DPYD: variants seen among roughly 807,000 people sequenced by gnomAD.
DPYD encodes dihydropyrimidine dehydrogenase.
A neutral mutation model predicts 116.2 loss-of-function variants in DPYD; 109 were observed. The observed-to-expected ratio is 0.94, with a 90% CI of 0.80 to 1.10. The LOEUF (loss-of-function observed/expected upper bound fraction) is 1.10, where lower values mean the gene tolerates loss of function less well. Among genes scored for constraint, DPYD ranks in the 50% least tolerant of loss-of-function variants. The probability of loss-of-function intolerance (pLI) is 0.00; values close to 1 mark genes in which losing one functional copy is unlikely to be tolerated. For synonymous variants in DPYD, 440 were observed against 432.0 expected, an observed-to-expected ratio of 1.02 and a Z score of -0.23; for missense variants, 1,302 against 1,254.5, an observed-to-expected ratio of 1.04 and a Z score of -0.57.
chr1:97,831,416 C>A (rs909733331), intron 2 of DPYD, among the ~76,000 whole-genome samples: 25 of 152,204 alleles, frequency 1.6e-4, no homozygotes, highest in African/African-American at 6.0e-4. Flanking sequence ...CAATCAAAAT[C>A]TGTTCTCAGC....
rs139447983 is a variant in DPYD, at chr1:97,160,626, T to C, written c.2622+32443A>G. On this transcript the variant is annotated intron_variant, in intron 20 of 22. Transcript: ENST00000370192. ...GGGTTTAAAATCAATTACAATTTCA[T>C]TGGTACTTAAAATTTCTCTTATTGT... Among the ~76,000 whole-genome samples the C allele has an allele frequency of 8.9e-3, 1,358 of 152,226 alleles. 18 individuals carry two copies. Among genetic ancestry groups the C allele is most frequent in the African/African-American group, 0.03 (1,258 of 41,550 alleles).
At chr1:97,272,258 T>C (rs1426622540) in intron 18 of DPYD, among the ~76,000 whole-genome samples, 1 of 152,194 alleles carries the variant, frequency 6.6e-6, no homozygotes, top group African/African-American at 2.4e-5. Context: ...GAAAGTTAAA[T>C]TTCAGAATGG....
intron 3 of DPYD, among the ~76,000 whole-genome samples, chr1:97,765,479 CAG>C (rs1316928814): frequency 6.6e-6 from 1 of 152,180 alleles, no homozygotes; most frequent in Non-Finnish European, 1.5e-5. Flanking sequence ...ACAGTCAACA[CAG>C]AGAATCTACC....
intron 13 of DPYD, among the ~76,000 whole-genome samples, chr1:97,488,682 A>C (rs1678792738): frequency 6.6e-6 from 1 of 152,170 alleles, no homozygotes; most frequent in Non-Finnish European, 1.5e-5. Context: ...CCAGGGCAGA[A>C]GCAGCTTTCC....
intron 19 of DPYD, among the ~76,000 whole-genome samples, chr1:97,229,394 C>T (rs987859376): frequency 1.3e-4 from 20 of 149,534 alleles, no homozygotes; most frequent in Non-Finnish European, 2.2e-4. Flanking sequence ...CTATACTGAA[C>T]GAAAGGTTAG....
chr1:97,318,490 T>A (rs1343292838), intron 16 of DPYD, among the ~76,000 whole-genome samples: 1 of 151,802 alleles, frequency 6.6e-6, no homozygotes, highest in African/African-American at 2.4e-5. Context: ...AAGAAGGCCA[T>A]TACATAATGG....
At position 97,318,785 on chromosome 1, in the gene DPYD, T is replaced by A. The variant is rs1668031321; in HGVS notation, c.2059-12488A>T. The stretch of plus-strand genomic sequence containing the variant: ...CAAATCAACAGAATATACATTTTTT[T>A]CAGCACCACACCACACCTATTCCAA... On this transcript the variant is annotated intron_variant, in intron 16 of 22. Transcript: ENST00000370192. 3.3e-5 allele frequency among the ~76,000 whole-genome samples: 5 copies of A among 149,688 alleles called. No homozygotes were observed. The South Asian group carries it at 1.1e-3, about 32-fold the overall frequency.
intron 20 of DPYD, among the ~76,000 whole-genome samples, chr1:97,159,894 G>T (rs1655762504): frequency 6.6e-6 from 1 of 151,868 alleles, no homozygotes; most frequent in African/African-American, 2.4e-5. Flanking sequence ...TAAATCCTAT[G>T]ATTTCATCTT....
At chr1:97,565,577 C>T (rs1027505936) in intron 11 of DPYD, among the ~76,000 whole-genome samples, 3 of 152,238 alleles carry the variant, frequency 2.0e-5, no homozygotes, top group South Asian at 2.1e-4. Context: ...GTCATTTTGT[C>T]GGCCCATACT....
At chr1:97,088,058 C>A (rs1649646782) in intron 21 of DPYD, among the ~76,000 whole-genome samples, 1 of 152,100 alleles carries the variant, frequency 6.6e-6, no homozygotes, top group South Asian at 2.1e-4. Flanking sequence ...ATATAAGCAC[C>A]AAACACTGAG....
rs772701387 is a variant in DPYD at position 97,696,774 on chromosome 1, G to A, written c.680+2577C>T. 7.2e-5 allele frequency among the ~76,000 whole-genome samples: 11 copies of A among 152,002 alleles called. 1 individual carries two copies. The highest frequency in any genetic ancestry group is 1.2e-4 in the African/African-American group (5 of 41,382). On this transcript the variant is annotated intron_variant, in intron 6 of 22. Transcript: ENST00000370192. ...AGCACAATTCTCATACTCTGACAGA[G>A]GTATGCTTCAGTTTATTACTATAGA...
At chr1:97,644,137 T>G (rs1658106823) in intron 8 of DPYD, among the ~76,000 whole-genome samples, 1 of 152,034 alleles carries the variant, frequency 6.6e-6, no homozygotes, top group African/African-American at 2.4e-5. Flanking sequence ...CATCCTTTAT[T>G]TGAGCTCACT....
intron 14 of DPYD, among the ~76,000 whole-genome samples, chr1:97,444,105 A>G (rs1392221470): frequency 6.6e-6 from 1 of 152,200 alleles, no homozygotes; most frequent in Non-Finnish European, 1.5e-5. Context: ...CTGGGCATAA[A>G]ATATCCTTAG....
chr1:97,522,478 T>A (rs1648752512), intron 12 of DPYD, among the ~76,000 whole-genome samples: 1 of 152,100 alleles, frequency 6.6e-6, no homozygotes, highest in South Asian at 2.1e-4. Flanking sequence ...ATCCCAGCAC[T>A]TTGGGAGGCT....
intron 8 of DPYD, among the ~76,000 whole-genome samples, chr1:97,644,225 G>A (rs1351878320): frequency 1.3e-5 from 2 of 151,896 alleles, no homozygotes; most frequent in South Asian, 2.1e-4. Flanking sequence ...CTGTATATGG[G>A]GGAACTTGGA....
chr1:97,702,710 G>A (rs953689793), intron 5 of DPYD, among the ~76,000 whole-genome samples: 2 of 151,778 alleles, frequency 1.3e-5, no homozygotes, highest in African/African-American at 4.8e-5. Context: ...GTTCTGAAAC[G>A]CCTAGCATAT....
chr1:97,917,568 A>G (rs1459591321), intron 1 of DPYD, among the ~76,000 whole-genome samples: 1 of 152,184 alleles, frequency 6.6e-6, no homozygotes, highest in Non-Finnish European at 1.5e-5. Context: ...CTTAAAATGC[A>G]TTTGATTTTG....
intron 1 of DPYD, among the ~76,000 whole-genome samples, chr1:97,912,547 C>T (rs950113832): frequency 1.3e-5 from 2 of 151,988 alleles, no homozygotes; most frequent in Non-Finnish European, 2.9e-5. Flanking sequence ...ATCAATATTA[C>T]GTGGATGACT....
intron 19 of DPYD, among the ~76,000 whole-genome samples, chr1:97,231,980 C>T (rs1661615783): frequency 6.6e-6 from 1 of 152,170 alleles, no homozygotes; most frequent in Admixed American, 6.5e-5. Context: ...CTGTTATCTT[C>T]CAGATTCTTT....
Sources: gnomAD v4.1 joint callset for allele counts (sites outside exome capture counted in the v4.1 genomes callset) on GRCh38, gnomAD v4.1.1 for gene constraint, MANE v1.5 for transcripts, NCBI Gene and HGNC (gene_info 2026-07-23, HGNC 2026-07-21) for gene names.